The following PCDHGB1 variants were observed in gnomAD, a reference collection of about 807,000 sequenced individuals.
PCDHGB1 encodes protocadherin gamma subfamily B, 1.
PCDHGB1 carries 34 observed loss-of-function variants against 56.6 expected under a neutral mutation model. The observed-to-expected ratio is 0.60, with a 90% CI of 0.46 to 0.80. PCDHGB1 has a LOEUF of 0.80. Ranked by LOEUF, PCDHGB1 falls within the 30% of genes least tolerant of loss-of-function variation. PCDHGB1 has a pLI of 0.00. For synonymous variants in PCDHGB1, 561 were observed against 505.9 expected (o/e 1.11, Z -1.46); for missense variants, 1,278 against 1,204.6 (o/e 1.06, Z -0.90).
intron 1 of PCDHGB1, chr5:141,376,557 C>A: frequency 6.2e-7 from 1 of 1,609,994 alleles, no homozygotes; most frequent in Non-Finnish European, 8.5e-7. Flanking sequence ...CTTCCCGCAA[C>A]CCAACTAATC....
chr5:141,404,722 G>C (rs1335640902), intron 1 of PCDHGB1: 2 of 1,614,138 alleles, frequency 1.2e-6, no homozygotes, highest in South Asian at 1.1e-5. Flanking sequence ...TGGTGACCAA[G>C]GTGGTGGCAG....
chr5:141,476,023 G>T lies in PCDHGB1; in HGVS notation c.2410-18784G>T. On this transcript the variant is annotated intron_variant, in intron 1 of 3. Coordinates refer to ENST00000523390, the MANE Select transcript of PCDHGB1 (RefSeq NM_018922.3). The surrounding 1 kb of genome is among the most constrained non-coding windows in gnomAD (Gnocchi z 7.6). Reference sequence around the variant, plus strand: ...CATCCAGAAAGCCATGTCGGACTCGGCGCCCAGCGCCCAAGCGCTAACCCG... The same window carrying T: ...CATCCAGAAAGCCATGTCGGACTCGTCGCCCAGCGCCCAAGCGCTAACCCG... The T allele has an allele frequency of 7.1e-7, 1 of 1,415,690 alleles. No individual in the cohort carries two copies. Among genetic ancestry groups the T allele is most frequent in the Non-Finnish European group, 9.5e-7 (1 of 1,057,324 alleles). 87.7% of individuals were successfully genotyped at this position (1,415,690 alleles called of 1,614,324 possible).
chr5:141,378,973 A>G (rs1775276722), intron 1 of PCDHGB1: 1 of 152,222 alleles, frequency 6.6e-6, no homozygotes, highest in South Asian at 2.1e-4. Context: ...TAATTTGATG[A>G]CTTGTTGAAC....
intron 1 of PCDHGB1, chr5:141,361,711 C>T (rs1232188461): frequency 6.2e-7 from 1 of 1,613,302 alleles, no homozygotes; most frequent in African/African-American, 1.3e-5. Flanking sequence ...TGAGCAGCTG[C>T]GCGCCTTCGA....
chr5:141,370,773 AACG>A, intron 1 of PCDHGB1: 2 of 1,614,002 alleles, frequency 1.2e-6, no homozygotes, highest in Non-Finnish European at 1.7e-6. Flanking sequence ...CCAGGATATT[AACG>A]ACAACCCACC....
chr5:141,435,906 A>C (rs1246100275), intron 1 of PCDHGB1, among the ~76,000 whole-genome samples: 1 of 152,182 alleles, frequency 6.6e-6, no homozygotes, highest in African/African-American at 2.4e-5. Context: ...AAAGACATCC[A>C]AGGGCTCTAA....
At chr5:141,364,161 C>T in intron 1 of PCDHGB1, 2 of 652,296 alleles carry the variant, frequency 3.1e-6, no homozygotes, top group Non-Finnish European at 4.6e-6. Flanking sequence ...GCCGCAGAGG[C>T]GACCCGACTC....
At chr5:141,376,670 G>A in intron 1 of PCDHGB1, 1 of 694,802 alleles carries the variant, frequency 1.4e-6, no homozygotes, top group Non-Finnish European at 2.2e-6. Context: ...TTCAGGTGAG[G>A]GTATCGTTTT....
chr5:141,400,267 T>C (rs749494967), intron 1 of PCDHGB1: 4 of 1,614,030 alleles, frequency 2.5e-6, no homozygotes, highest in Middle Eastern at 1.6e-4. Context: ...CCTGCGACGC[T>C]CCTCCAGCCC....
At chr5:141,409,201 AATC>A (rs1377420843) in intron 1 of PCDHGB1, 1 of 1,614,044 alleles carries the variant, frequency 6.2e-7, no homozygotes, top group Non-Finnish European at 8.5e-7. Context: ...AGTGTAAAGT[AATC>A]ATAGAAATCC....
intron 3 of PCDHGB1, among the ~76,000 whole-genome samples, chr5:141,510,227 C>T (rs1010123412): frequency 1.3e-5 from 2 of 150,454 alleles, no homozygotes; most frequent in African/African-American, 2.5e-5. Context: ...GAGCCGGGAT[C>T]GCGCCACTGC....
chr5:141,371,470 A>T (rs1215048137), intron 1 of PCDHGB1: 1 of 1,613,998 alleles, frequency 6.2e-7, no homozygotes, highest in Admixed American at 1.7e-5. Context: ...ATACAAGAAG[A>T]TGCTGAGCTG....
intron 1 of PCDHGB1, chr5:141,362,547 T>C (rs1392126264): frequency 6.2e-7 from 1 of 1,613,406 alleles, no homozygotes; most frequent in Non-Finnish European, 8.5e-7. Context: ...CCTCAGATAC[T>C]ATTTTGAAGG....
rs2097438776 is a variant in PCDHGB1 at position 141,432,018 on chromosome 5, T to C, written c.2410-62789T>C. Reference sequence around the variant, plus strand: ...AGGGAACAGGTTCCTAGCTACAACATCACAGTGACCGCCACTGACCGGGGA... The same window carrying C: ...AGGGAACAGGTTCCTAGCTACAACACCACAGTGACCGCCACTGACCGGGGA... On this transcript the variant is annotated intron_variant, in intron 1 of 3. Transcript: ENST00000523390. This position sits in a 1 kb window ranked among gnomAD's most constrained non-coding sequence, Gnocchi z 6.0. 1.9e-6 allele frequency: 3 copies of C among 1,614,048 alleles called. No homozygotes were observed. In the South Asian group the frequency reaches 3.3e-5, roughly 18 times the overall value.
At chr5:141,399,063 A>C in intron 1 of PCDHGB1, 1 of 1,613,714 alleles carries the variant, frequency 6.2e-7, no homozygotes. Flanking sequence ...AGGAATATTC[A>C]ATGGTTGTAG....
chr5:141,492,740 C>T (rs1364102818), intron 1 of PCDHGB1, among the ~76,000 whole-genome samples: 1 of 152,238 alleles, frequency 6.6e-6, no homozygotes, highest in African/African-American at 2.4e-5. Context: ...GCCCAGTGGC[C>T]GAGGCGCGGC....
chr5:141,407,406 C>T (rs971404616), intron 1 of PCDHGB1, among the ~76,000 whole-genome samples: 2 of 152,090 alleles, frequency 1.3e-5, no homozygotes, highest in East Asian at 3.8e-4. Flanking sequence ...AGTTACTATT[C>T]GATACCACAA....
At chr5:141,500,145 T>C (rs2099796736) in intron 2 of PCDHGB1, among the ~76,000 whole-genome samples, 2 of 151,992 alleles carry the variant, frequency 1.3e-5, no homozygotes, top group East Asian at 3.9e-4. Context: ...TAAACTTTTC[T>C]TTGTGTAATC....
At chr5:141,409,589 G>A (rs1487343349) in intron 1 of PCDHGB1, 12 of 1,613,758 alleles carry the variant, frequency 7.4e-6, no homozygotes, top group East Asian at 4.5e-5. Flanking sequence ...CCACGTGGCC[G>A]AGAACAACCC....
Sources: gnomAD v4.1 joint callset for allele counts (sites outside exome capture counted in the v4.1 genomes callset) on GRCh38, gnomAD v4.1.1 for gene constraint, Gnocchi (gnomAD v3.1) non-coding constraint, MANE v1.5 for transcripts, NCBI Gene and HGNC (gene_info 2026-07-23, HGNC 2026-07-21) for gene names.